The following RTTN variants were observed in gnomAD, a reference collection of about 807,000 sequenced individuals.
The protein encoded by RTTN is rotatin.
Under a neutral mutation model 269.2 loss-of-function variants are expected in RTTN, and 182 were observed. That is an observed-to-expected ratio of 0.68 (90% confidence interval 0.60 to 0.76). The LOEUF (loss-of-function observed/expected upper bound fraction) is 0.76. Among genes scored for constraint, RTTN ranks in the 30% least tolerant of loss-of-function variants. The pLI is 0.00. For synonymous variants in RTTN, 1,006 were observed against 963.5 expected (o/e 1.04, Z -0.82); for missense variants, 2,545 against 2,608.6 (o/e 0.98, Z 0.53).
intron 14 of RTTN, among the ~76,000 whole-genome samples, chr18:70,159,263 T>C (rs752068012): frequency 1.1e-4 from 17 of 152,176 alleles, no homozygotes; most frequent in South Asian, 2.1e-4. Flanking sequence ...GCAATAAAAA[T>C]AGAAATTATT....
chr18:70,170,876 G>T (rs2061122918), intron 11 of RTTN, among the ~76,000 whole-genome samples: 1 of 152,142 alleles, frequency 6.6e-6, no homozygotes, highest in Non-Finnish European at 1.5e-5. Context: ...TTTGCTCAGG[G>T]ATTATATCCA....
intron 42 of RTTN, 70 bp downstream of exon 42, chr18:70,029,942 T>A (rs2056964067): frequency 9.2e-7 from 1 of 1,083,292 alleles, no homozygotes; most frequent in Admixed American, 2.0e-5. Context: ...AAGCTCGTGC[T>A]CATTTCTAGG....
intron 43 of RTTN, among the ~76,000 whole-genome samples, chr18:70,026,812 C>T (rs2145567006): frequency 6.6e-6 from 1 of 152,268 alleles, no homozygotes; most frequent in African/African-American, 2.4e-5. Context: ...ACCATCTACA[C>T]ATTGATAACT....
chr18:70,111,579 T>G (rs1568400496), intron 27 of RTTN, among the ~76,000 whole-genome samples: 1 of 151,648 alleles, frequency 6.6e-6, no homozygotes, highest in Non-Finnish European at 1.5e-5. Flanking sequence ...ATTAATGAAA[T>G]AAAATGTGAA....
At chr18:70,189,574 A>G (rs923331381) in intron 9 of RTTN, among the ~76,000 whole-genome samples, 1 of 152,214 alleles carries the variant, frequency 6.6e-6, no homozygotes, top group Admixed American at 6.5e-5. Context: ...AAAATGCTAA[A>G]GTATTTAAAA....
chr18:70,137,439 C>T (rs1229418142), intron 21 of RTTN, among the ~76,000 whole-genome samples: 1 of 152,030 alleles, frequency 6.6e-6, no homozygotes, highest in Non-Finnish European at 1.5e-5. Context: ...TCATTTGATC[C>T]ACTATCCATG....
Position 70,197,610 on chromosome 18 carries a change from T to C in RTTN, c.693+14A>G, listed in dbSNP as rs762594706. 53 of 1,513,362 alleles carry C rather than the reference T, an allele frequency of 3.5e-5. No individual in the cohort carries two copies. Among genetic ancestry groups the C allele is most frequent in the Non-Finnish European group, 4.5e-5 (49 of 1,088,642 alleles). 93.7% of individuals were successfully genotyped at this position (1,513,362 alleles called of 1,614,324 possible). On this transcript the variant is annotated intron_variant, in intron 6 of 48. Coordinates refer to ENST00000640769, the MANE Select transcript of RTTN (RefSeq NM_173630.4). Reference sequence around the variant, plus strand: ...TCTAGTTCAAAATCTAAAACAATTATAGAGGGCACTGACCTGAACAATTTT... The same window carrying C: ...TCTAGTTCAAAATCTAAAACAATTACAGAGGGCACTGACCTGAACAATTTT...
At chr18:70,006,321 A>C in intron 47 of RTTN, 60 bp downstream of exon 47, 1 of 1,189,734 alleles carries the variant, frequency 8.4e-7, no homozygotes, top group Non-Finnish European at 1.3e-6. Flanking sequence ...CTAAGAGTTT[A>C]TACCTGGGTT....
At chr18:70,041,018 G>C (rs113984676) in intron 40 of RTTN, among the ~76,000 whole-genome samples, 119 of 152,026 alleles carry the variant, frequency 7.8e-4, no homozygotes, top group African/African-American at 2.5e-3. Context: ...TCAGGAGTTC[G>C]AGACCAGTTT....
intron 17 of RTTN, among the ~76,000 whole-genome samples, chr18:70,147,439 G>C (rs1185265636): frequency 6.6e-6 from 1 of 152,080 alleles, no homozygotes; most frequent in African/African-American, 2.4e-5. Flanking sequence ...TTATTGCTTA[G>C]GTTTGTGTAA....
intron 17 of RTTN, 82 bp downstream of exon 17, chr18:70,148,819 G>A: frequency 6.5e-7 from 1 of 1,533,066 alleles, no homozygotes; most frequent in Non-Finnish European, 8.9e-7. Context: ...CTTTAGTTTT[G>A]TTTCAAATTA....
At chr18:70,167,789 C>A (rs538677136) in intron 12 of RTTN, among the ~76,000 whole-genome samples, 5 of 150,758 alleles carry the variant, frequency 3.3e-5, no homozygotes, top group African/African-American at 9.7e-5. Flanking sequence ...GACAGTGGTA[C>A]TAACATGGCA....
At chr18:70,008,120 C>A (rs2145441534) in intron 46 of RTTN, 1 of 152,584 alleles carries the variant, frequency 6.6e-6, no homozygotes, top group South Asian at 2.1e-4. Flanking sequence ...CAAACAGGGG[C>A]AGGAGTGGAC....
intron 18 of RTTN, among the ~76,000 whole-genome samples, chr18:70,144,662 A>T (rs1307638255): frequency 6.6e-6 from 1 of 152,184 alleles, no homozygotes; most frequent in East Asian, 1.9e-4. Flanking sequence ...TACTCAGGGA[A>T]GTCCCAACCA....
intron 35 of RTTN, among the ~76,000 whole-genome samples, chr18:70,063,827 T>C (rs1428810029): frequency 6.6e-6 from 1 of 152,044 alleles, no homozygotes; most frequent in African/African-American, 2.4e-5. Context: ...AAGGAGGACA[T>C]TTGACACCCT....
chr18:70,017,469 G>A lies in RTTN; in HGVS notation c.6359C>T (p.Pro2120Leu), dbSNP rs769207423. Residue 2120 changes from proline to leucine, a missense_variant, in exon 46 of 49, where the codon CCT (proline) becomes CTT (leucine). Physicochemically the swap from Pro to Leu is moderately conservative, Grantham distance 98. Coordinates refer to ENST00000640769, the MANE Select transcript of RTTN (RefSeq NM_173630.4). ...KYKHKSSPLLPLLIFHNVCFS... is the reference protein window; with the variant it reads ...KYKHKSSPLLLLLIFHNVCFS... ...GCAAACATTATGAAAGATAAGAAGA[G>A]GCAATAAAGGGCTGCTCTTGTGCTT... The A allele has an allele frequency of 1.4e-5, 22 of 1,613,844 alleles. 1 individual carries two copies. The Admixed American group carries it at 2.0e-4, about 15-fold the overall frequency.
At position 70,149,047 on chromosome 18, in the gene RTTN, T is replaced by A; in HGVS notation, c.2173-10A>T. ...CTGTGTCGGCATAGCCCTAATAGAT[T>A]TGTTTTTAAAGAGAAATTATTGTCT... On this transcript the variant is annotated splice_polypyrimidine_tract_variant and intron_variant, in intron 16 of 48. Coordinates refer to ENST00000640769, the MANE Select transcript of RTTN (RefSeq NM_173630.4). 1.2e-6 allele frequency: 2 copies of A among 1,606,104 alleles called. No individual in the cohort carries two copies. The highest frequency in any genetic ancestry group is 8.5e-7 in the Non-Finnish European group (1 of 1,176,652).
chr18:70,138,897 C>A (rs958466042), intron 21 of RTTN: 9 of 151,446 alleles, frequency 5.9e-5, no homozygotes, highest in African/African-American at 2.2e-4. Context: ...GACTCTTCAG[C>A]ACATTCAGAT....
intron 30 of RTTN, 112 bp downstream of exon 30, chr18:70,091,998 C>G: frequency 1.8e-6 from 1 of 559,148 alleles, no homozygotes; most frequent in South Asian, 2.0e-5. Context: ...CGTGATCTGC[C>G]CACCTCAGCC....
Sources: allele counts gnomAD v4.1 joint callset (sites outside exome capture counted in the v4.1 genomes callset), GRCh38; gene constraint gnomAD v4.1.1; transcripts MANE v1.5; gene names NCBI Gene and HGNC (gene_info 2026-07-23, HGNC 2026-07-21).